The following CNKSR1 variants were observed in gnomAD, a reference collection of about 807,000 sequenced individuals.
CNKSR1 encodes the protein CNK homolog protein 1.
A neutral mutation model predicts 95.6 loss-of-function variants in CNKSR1; 88 were observed. The observed-to-expected ratio is 0.92, with a 90% CI of 0.78 to 1.10. CNKSR1 has a LOEUF of 1.10. Among genes scored for constraint, CNKSR1 ranks in the 50% least tolerant of loss-of-function variants. The pLI is 0.00. For missense variants in CNKSR1, 836 were observed against 912.0 expected, an observed-to-expected ratio of 0.92 and a Z score of 1.07; for synonymous variants, 355 against 369.7, an observed-to-expected ratio of 0.96 and a Z score of 0.46.
In CNKSR1 at chr1:26,188,835, T is replaced by G; in HGVS notation, c.1754T>G (p.Leu585Arg). Residue 585 changes from leucine to arginine, a missense_variant, in exon 20 of 21, where the codon CTA becomes CGA. Leu to Arg is a moderately radical substitution (Grantham distance 102). Transcript: ENST00000361530. ...CTGAGGCAGGGTGGCGTGTCCCTCC[T>G]AGGCCAGCCACAGCCCCTGACCCAG... is the stretch of plus-strand genomic sequence containing the variant. ...RGLRQGGVSL[L>R]GQPQPLTQEQ... 1.2e-6 allele frequency: 2 copies of G among 1,612,914 alleles called. No individual in the cohort carries two copies. The highest frequency in any genetic ancestry group is 8.5e-7 in the Non-Finnish European group (1 of 1,179,762).
rs371625122 is a variant in CNKSR1 at position 26,185,035 on chromosome 1, G to A, written c.1157G>A (p.Arg386His). 3.1e-6 allele frequency: 5 copies of A among 1,600,580 alleles called. No individual in the cohort carries two copies. Among genetic ancestry groups the A allele is most frequent in the East Asian group, 2.2e-5 (1 of 44,688 alleles). The change falls in exon 14 of 21, where the codon CGC becomes CAC. Residue 386 changes from arginine to histidine, a missense_variant. Transcript: ENST00000361530. ...KSKGLATRLS[R>H]RRVSCRELGR... ...ACAGGCCTGGCGACCCGGCTGAGCC[G>A]CCGGCGGGTGTCATGCCGTGAGCTG... is the stretch of plus-strand genomic sequence containing the variant.
chr1:26,182,329 G>A, intron 4 of CNKSR1, 32 bp from the exon 5 acceptor site: 1 of 1,613,438 alleles, frequency 6.2e-7, no homozygotes, highest in Admixed American at 1.7e-5. Context: ...CCTTGCTCAG[G>A]GGAGGCCCCT....
At chr1:26,189,020 G>A in intron 20 of CNKSR1, 67 bp downstream of exon 20, 2 of 1,555,288 alleles carry the variant, frequency 1.3e-6, no homozygotes, top group South Asian at 1.1e-5. Flanking sequence ...GTTTGCGGCT[G>A]TCACCTCCAC....
At chr1:26,188,125 C>A in intron 16 of CNKSR1, 109 bp from the exon 17 acceptor site, 1 of 927,030 alleles carries the variant, frequency 1.1e-6, no homozygotes, top group Non-Finnish European at 1.7e-6. Context: ...GTTCATCCCT[C>A]TCAGAGTTGC....
intron 20 of CNKSR1, 28 bp from the exon 21 acceptor site, chr1:26,189,251 G>A (rs2088821124): frequency 2.5e-6 from 4 of 1,613,286 alleles, no homozygotes; most frequent in African/African-American, 2.7e-5. Flanking sequence ...GGGTGATCAT[G>A]GTCCCTTAGC....
chr1:26,189,357 A>G lies in CNKSR1; in HGVS notation c.1951A>G (p.Lys651Glu). The change falls in exon 21 of 21, where the codon AAG (lysine) becomes GAG (glutamate). Residue 651 changes from lysine to glutamate, a missense_variant. By Grantham distance (56) the Lys-to-Glu change is moderately conservative (BLOSUM62 1). Coordinates refer to ENST00000361530, the MANE Select transcript of CNKSR1 (RefSeq NM_006314.3). ...ELTGEKFRQW[K>E]EQNRELYSEG... The stretch of plus-strand genomic sequence containing the variant: ...GACAGGAGAGAAGTTCCGCCAGTGG[A>G]AGGAGCAGAACCGGGAGCTGTACTC... The G allele has an allele frequency of 6.2e-7, 1 of 1,614,108 alleles. No homozygotes were observed. Among genetic ancestry groups the G allele is most frequent in the Non-Finnish European group, 8.5e-7 (1 of 1,179,962 alleles).
intron 1 of CNKSR1, chr1:26,180,234 T>C (rs1200667114): frequency 1.7e-6 from 1 of 597,690 alleles, no homozygotes; most frequent in East Asian, 2.9e-5. Context: ...CCGGTGAGTC[T>C]GCTGCTGCTG....
At position 26,188,815 on chromosome 1, in the gene CNKSR1, G is replaced by A; in HGVS notation, c.1734G>A (p.Arg578=). Residue 578 remains arginine (R), a synonymous_variant, in exon 20 of 21, where the codon AGG becomes AGA. Transcript: ENST00000361530. ...TGGAAGGAATGGTACGGGGGCTGAGGCAGGGTGGCGTGTCCCTCCTAGGCC... is the reference window on the plus strand; with the variant it reads ...TGGAAGGAATGGTACGGGGGCTGAGACAGGGTGGCGTGTCCCTCCTAGGCC... The part of the protein sequence containing the change: ...EALEGMVRGL[R]QGGVSLLGQP... 1 of 1,612,336 alleles carries A rather than the reference G, an allele frequency of 6.2e-7. No individual in the cohort carries two copies. The highest frequency in any genetic ancestry group is 8.5e-7 in the Non-Finnish European group (1 of 1,179,294).
rs766035987 is a variant in CNKSR1 at position 26,189,276 on chromosome 1, C to T, written c.1873-3C>T. 2.5e-6 allele frequency: 4 copies of T among 1,614,014 alleles called. No individual in the cohort carries two copies. The highest frequency in any genetic ancestry group is 2.2e-5 in the East Asian group (1 of 44,894). ...GGTCCCTTAGCCCCTCCTCTCCACA[C>T]AGGCAAAGCTGCAGGAGCTGCAGGT... On this transcript the variant is annotated splice_region_variant and splice_polypyrimidine_tract_variant and intron_variant, in intron 20 of 20. Transcript: ENST00000361530.
In CNKSR1 at chr1:26,188,641, C is replaced by G; in HGVS notation, c.1634C>G (p.Ser545Ter). 3 of 1,613,896 alleles carry G rather than the reference C, an allele frequency of 1.9e-6. No individual in the cohort carries two copies. The part of the protein sequence containing the change: ...QAGSPLHGDT[S>*]PAATPTQRSP... The stretch of plus-strand genomic sequence containing the variant: ...GGGAGTCCCCTCCATGGAGACACAT[C>G]ACCTGCAGCCACCCCCACACAGCGC... Residue 545 changes from serine (S) to a stop codon, truncating the protein, a stop_gained, in exon 19 of 21, where the codon TCA (serine) becomes TGA (stop). Coordinates refer to ENST00000361530, the MANE Select transcript of CNKSR1 (RefSeq NM_006314.3). LOFTEE classifies it high-confidence loss of function.
At position 26,185,192 on chromosome 1, in the gene CNKSR1, AC is replaced by A; in HGVS notation, c.1308+10del. On this transcript the variant is annotated splice_region_variant and intron_variant, in intron 14 of 20. Coordinates refer to ENST00000361530, the MANE Select transcript of CNKSR1 (RefSeq NM_006314.3). ...ACTGGTACCGCCAGCCCCAGGTAAG[AC>A]CCCATACACAAAAACAGGTAGGCAA... 6.4e-7 allele frequency: 1 copy of A among 1,551,476 alleles called. No homozygotes were observed. The highest frequency in any genetic ancestry group is 8.7e-7 in the Non-Finnish European group (1 of 1,147,508).
intron 1 of CNKSR1, among the ~76,000 whole-genome samples, chr1:26,179,220 T>C (rs2088607605): frequency 6.6e-6 from 1 of 152,190 alleles, no homozygotes; most frequent in Non-Finnish European, 1.5e-5. Context: ...GGCCTGATCT[T>C]TGAAGAGCCT....
chr1:26,186,438 C>T (rs577322451), intron 14 of CNKSR1, among the ~76,000 whole-genome samples: 4 of 151,750 alleles, frequency 2.6e-5, no homozygotes, highest in African/African-American at 9.7e-5. Flanking sequence ...GTAGCTGGGA[C>T]TACAGGCACA....
chr1:26,179,555 G>A (rs968666116), intron 1 of CNKSR1, among the ~76,000 whole-genome samples: 1 of 152,178 alleles, frequency 6.6e-6, no homozygotes, highest in Admixed American at 6.5e-5. Flanking sequence ...GGGCCTGTAG[G>A]TCATGGTAAA....
rs750912386 is a variant in CNKSR1 at position 26,188,318 on chromosome 1, C to T, written c.1528+11C>T. 5.0e-5 allele frequency: 80 copies of T among 1,613,898 alleles called. No homozygotes were observed. The Middle Eastern group carries it at 6.6e-4, about 13-fold the overall frequency. ...CACCCCGAGAGGAAGGTAGGTGTCT[C>T]GCAGGGTTGAGTGGGAGGAACCCTC... On this transcript the variant is annotated intron_variant, in intron 17 of 20. Transcript: ENST00000361530.
chr1:26,180,272 G>T, intron 1 of CNKSR1, 181 bp from the exon 2 acceptor site: 1 of 725,826 alleles, frequency 1.4e-6, no homozygotes, highest in Non-Finnish European at 2.3e-6. Context: ...AAGAACCCAT[G>T]TCCTATACTT....
At chr1:26,187,708 C>T (rs1171346881) in intron 16 of CNKSR1, among the ~76,000 whole-genome samples, 4 of 151,038 alleles carry the variant, frequency 2.6e-5, no homozygotes, top group East Asian at 1.9e-4. Flanking sequence ...CTGCAATCTC[C>T]GCCTCCTGGG....
At chr1:26,188,370 G>T (rs1296654876) in intron 17 of CNKSR1, 63 bp downstream of exon 17, 8 of 1,609,660 alleles carry the variant, frequency 5.0e-6, no homozygotes, top group Admixed American at 1.7e-5. Context: ...TTCCTGGGAT[G>T]GGGGCTAGGA....
chr1:26,177,634 G>GGACT, intron 1 of CNKSR1, 35 bp downstream of exon 1: 1 of 1,612,774 alleles, frequency 6.2e-7, no homozygotes, highest in Non-Finnish European at 8.5e-7. Flanking sequence ...GGCTTGAAGG[G>GGACT]GACTAGGTGT....
Sources: gnomAD v4.1 joint callset for allele counts (sites outside exome capture counted in the v4.1 genomes callset) on GRCh38, gnomAD v4.1.1 for gene constraint, MANE v1.5 for transcripts, NCBI Gene and HGNC (gene_info 2026-07-23, HGNC 2026-07-21) for gene names.